Variants in NOVA1 observed in about 807,000 individuals in gnomAD.
NOVA1 encodes the protein RNA-binding protein Nova-1.
Under a neutral mutation model 38.0 loss-of-function variants are expected in NOVA1, and 7 were observed. That is an observed-to-expected ratio of 0.18 (90% CI 0.10 to 0.35). The LOEUF (loss-of-function observed/expected upper bound fraction) is 0.35, where lower values mean the gene tolerates loss of function less well. Ranked by LOEUF, NOVA1 falls within the 10% of genes least tolerant of loss-of-function variation. The pLI is 1.00. For missense variants in NOVA1, 460 were observed against 616.0 expected, an observed-to-expected ratio of 0.75 and a Z score of 2.68; for synonymous variants, 270 against 232.5, an observed-to-expected ratio of 1.16 and a Z score of -1.47.
chr14:26,546,424 G>A (rs1219048566), intron 2 of NOVA1, among the ~76,000 whole-genome samples: 1 of 151,836 alleles, frequency 6.6e-6, no homozygotes, highest in Non-Finnish European at 1.5e-5. Flanking sequence ...TATTTGAGAG[G>A]GATATAAAAA....
chr14:26,512,970 T>C (rs1284095537), intron 2 of NOVA1, among the ~76,000 whole-genome samples: 1 of 152,002 alleles, frequency 6.6e-6, no homozygotes, highest in Non-Finnish European at 1.5e-5. Flanking sequence ...AAATACTTTT[T>C]AAATGTCTTA....
chr14:26,455,664 T>C (rs1200577189), intron 4 of NOVA1, among the ~76,000 whole-genome samples: 1 of 151,666 alleles, frequency 6.6e-6, no homozygotes, highest in African/African-American at 2.4e-5. Context: ...TACAACACTA[T>C]ATCCCAGGGA....
intron 2 of NOVA1, among the ~76,000 whole-genome samples, chr14:26,516,845 C>T (rs1357401825): frequency 2.0e-5 from 3 of 150,858 alleles, no homozygotes; most frequent in Non-Finnish European, 4.4e-5. Context: ...GTCCAAATTC[C>T]TTATTATGGC....
At chr14:26,581,752 A>C (rs1893239490) in intron 2 of NOVA1, among the ~76,000 whole-genome samples, 1 of 151,922 alleles carries the variant, frequency 6.6e-6, no homozygotes, top group Non-Finnish European at 1.5e-5. Flanking sequence ...ATCTTACTTA[A>C]ATTTTGAATA....
At chr14:26,560,072 A>G (rs1196516866) in intron 2 of NOVA1, among the ~76,000 whole-genome samples, 1 of 152,060 alleles carries the variant, frequency 6.6e-6, no homozygotes, top group East Asian at 1.9e-4. Flanking sequence ...ATCAATTAAA[A>G]TATAATGTTT....
intron 2 of NOVA1, among the ~76,000 whole-genome samples, chr14:26,526,525 A>G (rs1049992130): frequency 6.6e-6 from 1 of 152,024 alleles, no homozygotes; most frequent in African/African-American, 2.4e-5. Flanking sequence ...CGCTGTTTAC[A>G]AAAATCTTGG....
intron 2 of NOVA1, among the ~76,000 whole-genome samples, chr14:26,557,528 ATTTTT>A: frequency 7.1e-6 from 1 of 141,082 alleles, no homozygotes; most frequent in South Asian, 2.3e-4. Context: ...TGACTGGCTA[ATTTTT>A]TTTTTTTTTT....
At position 26,443,528 on chromosome 14, in the gene NOVA1, A is replaced by G. The variant is rs1881849586; in HGVS notation, c.*4431T>C. 1 of 152,254 alleles carries G rather than the reference A, an allele frequency of 6.6e-6. No homozygotes were observed. The highest frequency in any genetic ancestry group is 2.4e-5 in the African/African-American group (1 of 41,392). The allele number at this position is 152,254 out of a possible 1,614,324, so 9.4% of individuals were successfully genotyped here. A position where few individuals can be genotyped will look rare whatever the true frequency, so the allele number is the denominator to read the frequency against. ...AATATTTTTCAAAATTAACATGACA[A>G]GTTCTCTAATACTTTCATTTTTTGA... is the stretch of plus-strand genomic sequence containing the variant. On this transcript the variant is annotated 3_prime_UTR_variant, in exon 5 of 5. Coordinates refer to ENST00000539517, the MANE Select transcript of NOVA1 (RefSeq NM_002515.3).
chr14:26,468,565 A>C (rs1194151057), intron 4 of NOVA1, among the ~76,000 whole-genome samples: 1 of 152,180 alleles, frequency 6.6e-6, no homozygotes, highest in African/African-American at 2.4e-5. Flanking sequence ...AGCAATAGAA[A>C]ACTAATACAG....
chr14:26,463,068 C>T (rs1001941237), intron 4 of NOVA1, among the ~76,000 whole-genome samples: 4 of 152,084 alleles, frequency 2.6e-5, no homozygotes, highest in African/African-American at 7.2e-5. Context: ...ATATTCTAGG[C>T]TAGTTTATGC....
chr14:26,526,617 T>C (rs1889318268), intron 2 of NOVA1, among the ~76,000 whole-genome samples: 1 of 152,124 alleles, frequency 6.6e-6, no homozygotes, highest in Admixed American at 6.5e-5. Flanking sequence ...ATATGAACCA[T>C]ATCATCATTT....
intron 2 of NOVA1, among the ~76,000 whole-genome samples, chr14:26,485,052 G>GA (rs1885778638): frequency 1.3e-5 from 2 of 152,118 alleles, no homozygotes; most frequent in Admixed American, 6.5e-5. Flanking sequence ...AATAGTAAAA[G>GA]AAAATAACTG....
chr14:26,566,627 T>A lies in NOVA1; in HGVS notation c.280+28783A>T, dbSNP rs141936500. Among the ~76,000 whole-genome samples the A allele has an allele frequency of 2.0e-5, 3 of 152,218 alleles. No homozygotes were observed. In the East Asian group the frequency reaches 5.8e-4, roughly 29 times the overall value. Reference sequence around the variant, plus strand: ...ACCTCTCAACTAATAAGGCGATAAATCCCATAATATGGCCAAGGCTACAGA... The same window carrying A: ...ACCTCTCAACTAATAAGGCGATAAAACCCATAATATGGCCAAGGCTACAGA... On this transcript the variant is annotated intron_variant, in intron 2 of 4. Transcript: ENST00000539517.
intron 2 of NOVA1, among the ~76,000 whole-genome samples, chr14:26,522,220 G>A (rs10142964): frequency 0.021 from 3,235 of 152,098 alleles, 109 homozygotes; most frequent in African/African-American, 0.074. Context: ...AGTAATCACT[G>A]TCAATTGAAG....
intron 2 of NOVA1, among the ~76,000 whole-genome samples, chr14:26,497,572 C>T (rs923631694): frequency 2.0e-5 from 3 of 152,102 alleles, no homozygotes; most frequent in African/African-American, 7.2e-5. Context: ...ACCTACCATA[C>T]ATTTCTATTC....
chr14:26,555,672 C>T (rs574706528), intron 2 of NOVA1, among the ~76,000 whole-genome samples: 30 of 152,180 alleles, frequency 2.0e-4, no homozygotes, highest in Non-Finnish European at 2.5e-4. Flanking sequence ...TCCAAACTAA[C>T]ACGTTAATTC....
intron 2 of NOVA1, among the ~76,000 whole-genome samples, chr14:26,579,880 T>A (rs1394650219): frequency 6.6e-6 from 1 of 152,048 alleles, no homozygotes; most frequent in East Asian, 1.9e-4. Flanking sequence ...CTTAAAAAAA[T>A]TAAATTACTT....
At chr14:26,557,153 C>T (rs1277688070) in intron 2 of NOVA1, among the ~76,000 whole-genome samples, 1 of 152,110 alleles carries the variant, frequency 6.6e-6, no homozygotes, top group Non-Finnish European at 1.5e-5. Flanking sequence ...ATTACATCTC[C>T]AAATAAGGTC....
chr14:26,492,403 C>G (rs1359970042), intron 2 of NOVA1, among the ~76,000 whole-genome samples: 1 of 152,134 alleles, frequency 6.6e-6, no homozygotes, highest in Non-Finnish European at 1.5e-5. Flanking sequence ...TGTTTAATAA[C>G]AGTGGTGAAA....
Sources: allele counts gnomAD v4.1 joint callset (sites outside exome capture counted in the v4.1 genomes callset), GRCh38; gene constraint gnomAD v4.1.1; transcripts MANE v1.5; gene names NCBI Gene and HGNC (gene_info 2026-07-23, HGNC 2026-07-21).